Variants in SMOC2 observed in about 807,000 individuals in gnomAD.
The protein encoded by SMOC2 is SPARC related modular calcium binding 2, also known as SPARC-related modular calcium-binding protein 2.
Under a neutral mutation model 61.4 loss-of-function variants are expected in SMOC2, and 39 were observed. The ratio of observed to expected loss-of-function variants is 0.64; its 90% CI spans 0.49 to 0.83. The LOEUF is 0.83. Among genes scored for constraint, SMOC2 ranks in the 40% least tolerant of loss-of-function variants. The pLI is 0.00. For missense variants in SMOC2, 556 were observed against 592.9 expected (o/e 0.94, Z 0.65); for synonymous variants, 247 against 239.9 (o/e 1.03, Z -0.27).
intron 9 of SMOC2, among the ~76,000 whole-genome samples, chr6:168,645,025 G>A (rs1364876334): frequency 6.6e-6 from 1 of 152,162 alleles, no homozygotes; most frequent in Non-Finnish European, 1.5e-5. Context: ...GTTTGAAATA[G>A]TTTATAATCA....
rs190084617 is a variant in SMOC2, at chr6:168,639,103, G to A, written c.908-11578G>A. 3.9e-5 allele frequency among the ~76,000 whole-genome samples: 6 copies of A among 152,294 alleles called. No individual in the cohort carries two copies. The East Asian group carries it at 9.7e-4, about 25-fold the overall frequency. On this transcript the variant is annotated intron_variant, in intron 9 of 12. Coordinates refer to ENST00000356284, the MANE Select transcript of SMOC2 (RefSeq NM_001166412.2). Reference sequence around the variant, plus strand: ...TCCGACATCCTAGCAATGTTTCAGAGGCTGAAATTGTCAGCACTGAGCGTC... The same window carrying A: ...TCCGACATCCTAGCAATGTTTCAGAAGCTGAAATTGTCAGCACTGAGCGTC...
intron 9 of SMOC2, among the ~76,000 whole-genome samples, chr6:168,647,041 T>C (rs1042773241): frequency 2.6e-5 from 4 of 152,172 alleles, no homozygotes; most frequent in Non-Finnish European, 2.9e-5. Flanking sequence ...CCACATGGTG[T>C]GGACTTTGAG....
Position 168,666,643 on chromosome 6 carries a change from G to A in SMOC2, c.*205G>A. The A allele has an allele frequency of 1.6e-6, 1 of 611,028 alleles. No individual in the cohort carries two copies. Among genetic ancestry groups the A allele is most frequent in the Non-Finnish European group, 2.9e-6 (1 of 340,604 alleles). 37.9% of individuals were successfully genotyped at this position (611,028 alleles called of 1,614,324 possible). A position where few individuals can be genotyped will look rare whatever the true frequency, so the allele number is the denominator to read the frequency against. On this transcript the variant is annotated 3_prime_UTR_variant, in exon 13 of 13. Coordinates refer to ENST00000356284, the MANE Select transcript of SMOC2 (RefSeq NM_001166412.2). ...CTTCAGAAAATTAATCACATACAAT[G>A]TATGTGTCCTCTTTTGACCTTGGAA...
At chr6:168,525,608 G>A (rs149194998) in intron 2 of SMOC2, among the ~76,000 whole-genome samples, 11 of 152,324 alleles carry the variant, frequency 7.2e-5, no homozygotes, top group African/African-American at 2.6e-4. Flanking sequence ...CAGTGACGTT[G>A]CGCCTTCTGT....
intron 9 of SMOC2, among the ~76,000 whole-genome samples, chr6:168,631,744 TTCC>T (rs1786575951): frequency 6.6e-6 from 1 of 152,190 alleles, no homozygotes; most frequent in South Asian, 2.1e-4. Context: ...GTTTTCCTAT[TTCC>T]TCCTCATGTT....
intron 9 of SMOC2, among the ~76,000 whole-genome samples, chr6:168,615,854 C>T (rs907285645): frequency 6.6e-6 from 1 of 152,104 alleles, no homozygotes; most frequent in African/African-American, 2.4e-5. Context: ...AGAGGCAACA[C>T]CTGGATTTTT....
chr6:168,648,541 C>A (rs34999221), intron 9 of SMOC2, among the ~76,000 whole-genome samples: 16 of 152,188 alleles, frequency 1.1e-4, no homozygotes, highest in African/African-American at 3.9e-4. Flanking sequence ...GGAAGCACCG[C>A]GGCCAGCAGC....
chr6:168,441,865 G>C (rs756858272), intron 1 of SMOC2, among the ~76,000 whole-genome samples: 2 of 152,130 alleles, frequency 1.3e-5, no homozygotes, highest in African/African-American at 2.4e-5. Context: ...AACCAGGTCT[G>C]GGAGCGCCGG....
At chr6:168,495,028 T>G (rs576814274) in intron 1 of SMOC2, among the ~76,000 whole-genome samples, 1 of 152,338 alleles carries the variant, frequency 6.6e-6, no homozygotes, top group East Asian at 1.9e-4. Context: ...GGCACCTTCC[T>G]GAAACCCGCA....
intron 2 of SMOC2, among the ~76,000 whole-genome samples, chr6:168,519,097 G>C (rs969724954): frequency 2.0e-5 from 3 of 148,072 alleles, no homozygotes; most frequent in Non-Finnish European, 4.5e-5. Flanking sequence ...GTGTGAACAT[G>C]CGTGTGTGAA....
At chr6:168,615,000 A>G (rs867575462) in intron 9 of SMOC2, among the ~76,000 whole-genome samples, 3 of 52,636 alleles carry the variant, frequency 5.7e-5, no homozygotes, top group African/African-American at 1.5e-4. Context: ...CAGCCAGCAC[A>G]GGGCCTCTTC....
At chr6:168,606,778 T>G (rs1343483790) in intron 8 of SMOC2, among the ~76,000 whole-genome samples, 1 of 151,858 alleles carries the variant, frequency 6.6e-6, no homozygotes, top group Non-Finnish European at 1.5e-5. Flanking sequence ...GGCCTCCTGC[T>G]TGTCTTCTTC....
rs73791044 is a variant in SMOC2, at chr6:168,505,970, A to G, written c.85-3945A>G. Among the ~76,000 whole-genome samples the G allele has an allele frequency of 7.0e-3, 1,049 of 150,608 alleles. 10 individuals are homozygous for G. Among genetic ancestry groups the G allele is most frequent in the African/African-American group, 0.024 (994 of 41,018 alleles). On this transcript the variant is annotated intron_variant, in intron 1 of 12. Transcript: ENST00000356284. ...GAAAGCAAACACGTGGATGCCATCT[A>G]TTTTCTCTTGGCCTATTATTTGGAA... is the stretch of plus-strand genomic sequence containing the variant.
rs1193981700 is a variant in SMOC2 at position 168,553,709 on chromosome 6, C to T, written c.637+4506C>T. 1.3e-5 allele frequency among the ~76,000 whole-genome samples: 2 copies of T among 152,214 alleles called. No individual in the cohort carries two copies. Among genetic ancestry groups the T allele is most frequent in the African/African-American group, 2.4e-5 (1 of 41,454 alleles). On this transcript the variant is annotated intron_variant, in intron 7 of 12. Transcript: ENST00000356284. This position sits in a 1 kb window ranked among gnomAD's most constrained non-coding sequence, Gnocchi z 4.2. ...CGTGGCATGTCAAAGCCAAGGAGGG[C>T]TCTATCTCTGGGGCGAGGAGGCATC...
chr6:168,484,268 T>C (rs1398256769), intron 1 of SMOC2, among the ~76,000 whole-genome samples: 2 of 152,034 alleles, frequency 1.3e-5, no homozygotes, highest in Admixed American at 6.6e-5. Flanking sequence ...GTTTAACTTA[T>C]GCAAAGGATT....
At chr6:168,665,642 C>A (rs766906251) in intron 12 of SMOC2, among the ~76,000 whole-genome samples, 12 of 152,242 alleles carry the variant, frequency 7.9e-5, no homozygotes, top group Non-Finnish European at 1.2e-4. Flanking sequence ...TCCACCGTCT[C>A]CTCCTGCAAT....
At chr6:168,565,370 A>G (rs1319963598) in intron 7 of SMOC2, among the ~76,000 whole-genome samples, 3 of 152,048 alleles carry the variant, frequency 2.0e-5, no homozygotes, top group Non-Finnish European at 4.4e-5. Context: ...ACTGGCCTCC[A>G]TGTGGTCTTC....
chr6:168,650,839 A>G, intron 10 of SMOC2, 56 bp downstream of exon 10: 1 of 1,502,426 alleles, frequency 6.7e-7, no homozygotes, highest in Non-Finnish European at 9.1e-7. Context: ...ATTCTGGGGA[A>G]TCTGGAAAGT....
In SMOC2 at chr6:168,529,590, C is replaced by T. The variant is rs572196007; in HGVS notation, c.463+1863C>T. Among the ~76,000 whole-genome samples, 8 of 152,282 alleles carry T rather than the reference C, an allele frequency of 5.3e-5. No individual in the cohort carries two copies. In the South Asian group the frequency reaches 6.2e-4, roughly 12 times the overall value. The stretch of plus-strand genomic sequence containing the variant: ...CTTCCCCTCCGCACACATGTGGGCA[C>T]GGCGGAGCCAGTGTCTATGCCAGGG... On this transcript the variant is annotated intron_variant, in intron 4 of 12. Coordinates refer to ENST00000356284, the MANE Select transcript of SMOC2 (RefSeq NM_001166412.2).
Sources: gnomAD v4.1 joint callset for allele counts (sites outside exome capture counted in the v4.1 genomes callset) on GRCh38, gnomAD v4.1.1 for gene constraint, Gnocchi (gnomAD v3.1) non-coding constraint, MANE v1.5 for transcripts, NCBI Gene and HGNC (gene_info 2026-07-23, HGNC 2026-07-21) for gene names.